GREB1L: variants seen among roughly 807,000 people sequenced by gnomAD.
The protein encoded by GREB1L is GREB1 like retinoic acid receptor coactivator.
In GREB1L, 17 loss-of-function variants were observed where a neutral mutation model predicts 200.8. The observed-to-expected ratio is 0.08, with a 90% CI of 0.06 to 0.13. The LOEUF is 0.13. Among genes scored for constraint, GREB1L ranks in the 10% least tolerant of loss-of-function variants. GREB1L has a pLI of 1.00. For synonymous variants in GREB1L, 789 were observed against 893.0 expected, an observed-to-expected ratio of 0.88 and a Z score of 2.08; for missense variants, 1,657 against 2,367.7, an observed-to-expected ratio of 0.70 and a Z score of 6.23.
intron 7 of GREB1L, among the ~76,000 whole-genome samples, chr18:21,415,168 A>G (rs2031504552): frequency 6.6e-6 from 1 of 152,208 alleles, no homozygotes; most frequent in Non-Finnish European, 1.5e-5. Context: ...AATGTTCAAC[A>G]TAGTATTACT....
intron 7 of GREB1L, among the ~76,000 whole-genome samples, chr18:21,406,474 G>A (rs2030249021): frequency 6.6e-6 from 1 of 152,216 alleles, no homozygotes; most frequent in African/African-American, 2.4e-5. Context: ...TATAAGTGAT[G>A]CTTTGTATCT....
At chr18:21,442,757 T>C (rs2033968259) in intron 10 of GREB1L, among the ~76,000 whole-genome samples, 1 of 150,898 alleles carries the variant, frequency 6.6e-6, no homozygotes. Flanking sequence ...AATCTTGCTA[T>C]TAATCAATGA....
intron 7 of GREB1L, among the ~76,000 whole-genome samples, chr18:21,425,634 T>C (rs2032505595): frequency 6.6e-6 from 1 of 152,240 alleles, no homozygotes; most frequent in African/African-American, 2.4e-5. Flanking sequence ...ATTTCTCCAG[T>C]GGTTAATGAT....
At chr18:21,465,835 CAT>C (rs2035243192) in intron 15 of GREB1L, among the ~76,000 whole-genome samples, 1 of 152,120 alleles carries the variant, frequency 6.6e-6, no homozygotes, top group African/African-American at 2.4e-5. Flanking sequence ...AATGAGCACT[CAT>C]TACCCACCAA....
At chr18:21,279,325 A>C (rs2038227662) in intron 1 of GREB1L, among the ~76,000 whole-genome samples, 1 of 152,078 alleles carries the variant, frequency 6.6e-6, no homozygotes, top group Non-Finnish European at 1.5e-5. Flanking sequence ...AATAGTTATT[A>C]TTATAATTTC....
chr18:21,506,745 G>C (rs528162920), intron 25 of GREB1L, among the ~76,000 whole-genome samples: 67 of 152,312 alleles, frequency 4.4e-4, no homozygotes, highest in African/African-American at 1.6e-3. Flanking sequence ...TTGGCCAGTG[G>C]AGTCAGTTTG....
At chr18:21,493,725 G>C (rs1307777509) in intron 19 of GREB1L, among the ~76,000 whole-genome samples, 1 of 151,890 alleles carries the variant, frequency 6.6e-6, no homozygotes, top group South Asian at 2.1e-4. Flanking sequence ...AATTAGCCAG[G>C]TGTGGTGGTG....
chr18:21,251,953 A>C (rs1269678226), intron 1 of GREB1L, among the ~76,000 whole-genome samples: 2 of 152,156 alleles, frequency 1.3e-5, no homozygotes, highest in East Asian at 3.9e-4. Context: ...TCAAAAAAAA[A>C]AAAAAAAAAG....
chr18:21,269,256 G>C (rs183254922), intron 1 of GREB1L, among the ~76,000 whole-genome samples: 54 of 152,302 alleles, frequency 3.5e-4, no homozygotes, highest in African/African-American at 1.3e-3. Flanking sequence ...GCCAGGATTA[G>C]AGCATAGGCT....
intron 7 of GREB1L, among the ~76,000 whole-genome samples, chr18:21,409,643 T>G (rs74373659): frequency 0.011 from 1,727 of 152,288 alleles, 38 homozygotes; most frequent in African/African-American, 0.039. Context: ...TTATTGAATA[T>G]CTACAGTGGG....
intron 17 of GREB1L, among the ~76,000 whole-genome samples, chr18:21,482,798 T>C (rs1196113423): frequency 6.6e-6 from 1 of 151,992 alleles, no homozygotes; most frequent in Non-Finnish European, 1.5e-5. Flanking sequence ...ACAGGGAGCA[T>C]GGAGGGTCAC....
intron 27 of GREB1L, among the ~76,000 whole-genome samples, chr18:21,513,363 A>G (rs1314778574): frequency 6.6e-6 from 1 of 152,166 alleles, no homozygotes; most frequent in East Asian, 1.9e-4. Context: ...GAATTGGCAT[A>G]CCCACTCACT....
At chr18:21,404,442 G>A (rs181510824) in intron 7 of GREB1L, among the ~76,000 whole-genome samples, 15 of 152,338 alleles carry the variant, frequency 9.8e-5, no homozygotes, top group East Asian at 9.6e-4. Context: ...GGATCACAAC[G>A]GATGAATCCA....
intron 23 of GREB1L, among the ~76,000 whole-genome samples, chr18:21,504,580 G>C (rs549764244): frequency 6.6e-6 from 1 of 152,086 alleles, no homozygotes; most frequent in Non-Finnish European, 1.5e-5. Context: ...TTACACCTGC[G>C]GTTCCAGCAC....
At chr18:21,334,320 A>G (rs991262027) in intron 1 of GREB1L, among the ~76,000 whole-genome samples, 1 of 152,188 alleles carries the variant, frequency 6.6e-6, no homozygotes, top group African/African-American at 2.4e-5. Context: ...AGAAATTTTG[A>G]GTTTTGAGCA....
intron 7 of GREB1L, among the ~76,000 whole-genome samples, chr18:21,412,390 G>A (rs2144720315): frequency 6.6e-6 from 1 of 152,228 alleles, no homozygotes; most frequent in East Asian, 1.9e-4. Context: ...TCCAGCCTGG[G>A]CAACAGAGTG....
intron 4 of GREB1L, among the ~76,000 whole-genome samples, chr18:21,393,330 G>A (rs576965311): frequency 4.8e-4 from 73 of 151,520 alleles, no homozygotes; most frequent in African/African-American, 1.4e-3. Flanking sequence ...CAAGTCTCAC[G>A]CTGTTGCCCA....
intron 1 of GREB1L, among the ~76,000 whole-genome samples, chr18:21,248,045 A>G (rs1210585329): frequency 6.6e-6 from 1 of 152,242 alleles, no homozygotes; most frequent in Non-Finnish European, 1.5e-5. Flanking sequence ...GAAATATCAT[A>G]AATCATTTTT....
intron 7 of GREB1L, among the ~76,000 whole-genome samples, chr18:21,415,636 G>A (rs1023048801): frequency 6.6e-6 from 1 of 152,068 alleles, no homozygotes. Flanking sequence ...AAGGGTTAGA[G>A]GAAACTGCCC....
Sources: gnomAD v4.1 joint callset for allele counts (sites outside exome capture counted in the v4.1 genomes callset) on GRCh38, gnomAD v4.1.1 for gene constraint, MANE v1.5 for transcripts, NCBI Gene and HGNC (gene_info 2026-07-23, HGNC 2026-07-21) for gene names.